The following FNIP2 variants were observed in gnomAD, a reference collection of about 807,000 sequenced individuals.
FNIP2 encodes folliculin-interacting protein 2.
FNIP2 carries 32 observed loss-of-function variants against 108.7 expected under a neutral mutation model. That is an observed-to-expected ratio of 0.29 (90% CI 0.22 to 0.40). The LOEUF (loss-of-function observed/expected upper bound fraction) is 0.40. Ranked by LOEUF, FNIP2 falls within the 10% of genes least tolerant of loss-of-function variation. The pLI, the probability that FNIP2 is intolerant of heterozygous loss-of-function variation, is 1.00. For missense variants in FNIP2, 1,202 were observed against 1,381.6 expected (o/e 0.87, Z 2.06); for synonymous variants, 480 against 496.7 (o/e 0.97, Z 0.45).
At chr4:158,864,615 T>G (rs1222654849) in intron 12 of FNIP2, among the ~76,000 whole-genome samples, 1 of 152,132 alleles carries the variant, frequency 6.6e-6, no homozygotes, top group Admixed American at 6.5e-5. Flanking sequence ...TCTAACCCCC[T>G]TTCTTTCACC....
intron 1 of FNIP2, among the ~76,000 whole-genome samples, chr4:158,820,046 G>GT (rs1477480855): frequency 6.6e-6 from 1 of 152,184 alleles, no homozygotes; most frequent in Non-Finnish European, 1.5e-5. Context: ...GGAATTGCTG[G>GT]TTAAATGGAT....
chr4:158,769,414 TC>T, intron 1 of FNIP2, 95 bp downstream of exon 1: 1 of 776,516 alleles, frequency 1.3e-6, no homozygotes, highest in Non-Finnish European at 1.8e-6. Flanking sequence ...GAAGGGACTG[TC>T]CAGGACGGCG....
At chr4:158,816,833 A>C (rs921814173) in intron 1 of FNIP2, among the ~76,000 whole-genome samples, 28 of 151,494 alleles carry the variant, frequency 1.8e-4, no homozygotes, top group Middle Eastern at 3.2e-3. Flanking sequence ...TAATATATGC[A>C]TGGAGATGAA....
At chr4:158,770,416 C>T (rs1485608679) in intron 1 of FNIP2, among the ~76,000 whole-genome samples, 7 of 151,958 alleles carry the variant, frequency 4.6e-5, no homozygotes, top group Non-Finnish European at 1.0e-4. Context: ...AGATCTAGAC[C>T]CAGTATAATA....
At chr4:158,844,739 T>C (rs1427886338) in intron 7 of FNIP2, among the ~76,000 whole-genome samples, 1 of 152,238 alleles carries the variant, frequency 6.6e-6, no homozygotes, top group Non-Finnish European at 1.5e-5. Context: ...AGGGCCTTAT[T>C]TGGTCAAATC....
intron 12 of FNIP2, among the ~76,000 whole-genome samples, chr4:158,865,568 A>G (rs1780531881): frequency 6.6e-6 from 1 of 152,178 alleles, no homozygotes. Context: ...ATGCATTGCT[A>G]AAAAATAATA....
chr4:158,825,977 A>C lies in FNIP2; in HGVS notation c.169A>C (p.Arg57=). Reference sequence around the variant, plus strand: ...CCTGATAGTTTACCAGGACTGTGACAGGAGAGGCAGACAAGTCTTGTTTGA... The same window carrying C: ...CCTGATAGTTTACCAGGACTGTGACCGGAGAGGCAGACAAGTCTTGTTTGA... ...IRLIVYQDCD[R]RGRQVLFDSK... The change falls in exon 2 of 17, where the codon AGG becomes CGG. Residue 57 remains arginine (R), a synonymous_variant. Coordinates refer to ENST00000264433, the MANE Select transcript of FNIP2 (RefSeq NM_020840.3). 5 of 1,609,372 alleles carry C rather than the reference A, an allele frequency of 3.1e-6. No individual in the cohort carries two copies. Among genetic ancestry groups the C allele is most frequent in the Non-Finnish European group, 4.3e-6 (5 of 1,176,040 alleles).
In FNIP2 at chr4:158,881,211, C is replaced by G. The variant is rs78518827; in HGVS notation, c.2950-10235C>G. Among the ~76,000 whole-genome samples, 532 of 150,560 alleles carry G rather than the reference C, an allele frequency of 3.5e-3. 3 individuals carry two copies. The highest frequency in any genetic ancestry group is 0.013 in the African/African-American group (503 of 40,120). On this transcript the variant is annotated intron_variant, in intron 14 of 16. Coordinates refer to ENST00000264433, the MANE Select transcript of FNIP2 (RefSeq NM_020840.3). ...CTCCCTCCACGGTCTCCCTCTCCCT[C>G]TCTTTCCACGGTCTCCCTCTCCCTC...
intron 1 of FNIP2, chr4:158,806,120 T>C (rs1776941784): frequency 1.7e-6 from 2 of 1,187,928 alleles, no homozygotes; most frequent in South Asian, 3.1e-5. Context: ...GTATAGGGAG[T>C]GAAATGATTG....
Position 158,869,426 on chromosome 4 carries a change from A to G in FNIP2, c.2790A>G (p.Pro930=). The G allele has an allele frequency of 6.3e-7, 1 of 1,594,350 alleles. No individual in the cohort carries two copies. The highest frequency in any genetic ancestry group is 8.5e-7 in the Non-Finnish European group (1 of 1,172,024). The change falls in exon 13 of 17, where the codon CCA becomes CCG. Residue 930 remains proline (P), a splice_region_variant and synonymous_variant. Transcript: ENST00000264433. ...GGSLEVELPL[P]RSQSISTQNV... ...CCTTGGAAGTGGAGCTGCCTCTGCC[A>G]AGGTAACTCCAGCAGGCTGGGAAGT...
At chr4:158,828,007 C>T (rs1778253214) in intron 2 of FNIP2, among the ~76,000 whole-genome samples, 1 of 151,778 alleles carries the variant, frequency 6.6e-6, no homozygotes, top group Non-Finnish European at 1.5e-5. Context: ...GCAAAGAAGA[C>T]TCAGAATAGA....
intron 16 of FNIP2, among the ~76,000 whole-genome samples, chr4:158,898,117 T>A (rs1037593951): frequency 6.6e-6 from 1 of 152,228 alleles, no homozygotes; most frequent in African/African-American, 2.4e-5. Flanking sequence ...CTGCTTGTTT[T>A]TGTCAGGTTT....
chr4:158,778,219 G>A lies in FNIP2; in HGVS notation c.107+8900G>A, dbSNP rs555577829. ...TTTGTCTTCATGAAACTCTCCTTGG[G>A]TAATTTGCATATGCAGCCAAGCACA... is the stretch of plus-strand genomic sequence containing the variant. On this transcript the variant is annotated intron_variant, in intron 1 of 16. Transcript: ENST00000264433. Among the ~76,000 whole-genome samples, 120 of 152,288 alleles carry A rather than the reference G, an allele frequency of 7.9e-4. 1 individual carries two copies. Among genetic ancestry groups the A allele is most frequent in the African/African-American group, 2.5e-3 (104 of 41,548 alleles).
chr4:158,793,737 CCTGA>C (rs1776495383), intron 1 of FNIP2, among the ~76,000 whole-genome samples: 1 of 152,162 alleles, frequency 6.6e-6, no homozygotes, highest in African/African-American at 2.4e-5. Context: ...TCAGCTTCCT[CCTGA>C]CTGTCTTTGA....
intron 9 of FNIP2, 48 bp downstream of exon 9, chr4:158,859,306 T>A (rs1267617223): frequency 5.9e-6 from 9 of 1,531,656 alleles, no homozygotes; most frequent in Non-Finnish European, 8.0e-6. Context: ...ATTGTGGGGC[T>A]TTGAAGATGG....
intron 12 of FNIP2, among the ~76,000 whole-genome samples, chr4:158,863,031 G>C (rs1780383128): frequency 6.6e-6 from 1 of 152,168 alleles, no homozygotes; most frequent in Non-Finnish European, 1.5e-5. Flanking sequence ...GTTTTTTCCT[G>C]TGGGTTCACA....
intron 13 of FNIP2, among the ~76,000 whole-genome samples, chr4:158,869,711 G>A (rs905160970): frequency 1.3e-5 from 2 of 152,202 alleles, no homozygotes; most frequent in Non-Finnish European, 2.9e-5. Flanking sequence ...GGGATGTGGT[G>A]GAGATGGGGG....
chr4:158,829,884 C>G (rs1203009069), intron 3 of FNIP2, among the ~76,000 whole-genome samples: 2 of 152,274 alleles, frequency 1.3e-5, no homozygotes, highest in African/African-American at 2.4e-5. Flanking sequence ...ATCTTTTCTA[C>G]TATTTTGCTG....
chr4:158,881,531 C>T (rs1260750901), intron 14 of FNIP2, among the ~76,000 whole-genome samples: 14 of 152,104 alleles, frequency 9.2e-5, no homozygotes, highest in Non-Finnish European at 1.3e-4. Flanking sequence ...CTGCCATCTC[C>T]GCTCACTGCA....
Sources: allele counts gnomAD v4.1 joint callset (sites outside exome capture counted in the v4.1 genomes callset), GRCh38; gene constraint gnomAD v4.1.1; transcripts MANE v1.5; gene names NCBI Gene and HGNC (gene_info 2026-07-23, HGNC 2026-07-21).